Variants in MAP3K12 observed in about 807,000 individuals in gnomAD.
MAP3K12 encodes mitogen-activated protein kinase kinase kinase 12.
In MAP3K12, 14 loss-of-function variants were observed where a neutral mutation model predicts 87.5. That is an observed-to-expected ratio of 0.16 (90% CI 0.11 to 0.25). The LOEUF is 0.25. Ranked by LOEUF, MAP3K12 falls within the 10% of genes least tolerant of loss-of-function variation. MAP3K12 has a pLI of 1.00. For synonymous variants in MAP3K12, 469 were observed against 452.5 expected (o/e 1.04, Z -0.46); for missense variants, 802 against 1,140.4 (o/e 0.70, Z 4.27).
intron 1 of MAP3K12, among the ~76,000 whole-genome samples, chr12:53,499,078 C>T (rs1249657493): frequency 6.6e-6 from 1 of 150,936 alleles, no homozygotes; most frequent in Non-Finnish European, 1.5e-5. Context: ...CTCCTCCTTC[C>T]CTCTCTCTCT....
rs376796266 is a variant in MAP3K12, at chr12:53,483,444, C to T, written c.1518G>A (p.Lys506=). The T allele has an allele frequency of 1.2e-6, 2 of 1,614,158 alleles. No individual in the cohort carries two copies. The highest frequency in any genetic ancestry group is 1.7e-6 in the Non-Finnish European group (2 of 1,180,030). The stretch of plus-strand genomic sequence containing the variant: ...GCAGGAGGCCCCGGGAAGGGTGTGG[C>T]TTCAGCAGGCCTGGGCACCTCCGCT... ...ALERRCPGLL[K]PHPSRGLLHG... is the part of the protein sequence containing the mutation. The change falls in exon 10 of 14, where the codon AAG becomes AAA. Residue 506 remains lysine (K), a synonymous_variant. Coordinates refer to ENST00000547488, the MANE Select transcript of MAP3K12 (RefSeq NM_001193511.2).
chr12:53,484,400 A>G (rs758639538), intron 6 of MAP3K12, 35 bp from the exon 7 acceptor site: 1 of 1,515,370 alleles, frequency 6.6e-7, no homozygotes, highest in East Asian at 2.3e-5. Flanking sequence ...AGAGGGGAGA[A>G]TTTGAGGGAG....
chr12:53,485,558 TTTTG>T lies in MAP3K12; in HGVS notation c.822-87_822-84del, dbSNP rs565593944. ...TGCAGCAACTCTGCCTTTCAGGTTT[TTTTG>T]TTTGTTTGTTTGAGACGGAGTCTCA... On this transcript the variant is annotated intron_variant, in intron 4 of 13. Coordinates refer to ENST00000547488, the MANE Select transcript of MAP3K12 (RefSeq NM_001193511.2). The T allele has an allele frequency of 8.6e-4, 1,288 of 1,489,824 alleles. 3 individuals carry two copies. The highest frequency in any genetic ancestry group is 2.5e-3 in the East Asian group (109 of 44,184). The allele number at this position is 1,489,824 out of a possible 1,614,324, so 92.3% of individuals were successfully genotyped here.
Position 53,483,138 on chromosome 12 carries a change from C to T in MAP3K12, c.1665G>A (p.Leu555=). The change falls in exon 11 of 14, where the codon CTG becomes CTA. Residue 555 remains leucine, a synonymous_variant. Coordinates refer to ENST00000547488, the MANE Select transcript of MAP3K12 (RefSeq NM_001193511.2). Reference sequence around the variant, plus strand: ...GACACCCAGGAAGCCCCACCCCACTCAGGGCTGCATCTAGTTTAGGGAGCA... The same window carrying T: ...GACACCCAGGAAGCCCCACCCCACTTAGGGCTGCATCTAGTTTAGGGAGCA... ...ESLLPKLDAA[L]SGVGLPGCPK... 6.6e-7 allele frequency: 1 copy of T among 1,521,008 alleles called. No homozygotes were observed. Among genetic ancestry groups the T allele is most frequent in the Non-Finnish European group, 8.8e-7 (1 of 1,136,786 alleles). The allele number at this position is 1,521,008 out of a possible 1,614,324, so 94.2% of individuals were successfully genotyped here.
chr12:53,488,227 C>A (rs1943290897), intron 1 of MAP3K12, among the ~76,000 whole-genome samples: 2 of 152,222 alleles, frequency 1.3e-5, no homozygotes, highest in African/African-American at 4.8e-5. Context: ...CCCCTTGGCC[C>A]TCCCTTCAGT....
upstream of MAP3K12, chr12:53,499,961 C>T (rs922670655): frequency 1.3e-5 from 2 of 152,424 alleles, no homozygotes; most frequent in African/African-American, 4.8e-5. Context: ...GCATTGCTCC[C>T]CCTATCATAC....
intron 13 of MAP3K12, 32 bp from the exon 14 acceptor site, chr12:53,481,312 C>CA (rs1365461906): frequency 1.5e-6 from 2 of 1,305,832 alleles, no homozygotes; most frequent in Non-Finnish European, 2.1e-6. Context: ...GAGTGAGATT[C>CA]CTTGGGGTTC....
chr12:53,482,795 G>A lies in MAP3K12; in HGVS notation c.2008C>T (p.Pro670Ser), dbSNP rs765016748. 6.2e-7 allele frequency: 1 copy of A among 1,612,092 alleles called. No individual in the cohort carries two copies. Among genetic ancestry groups the A allele is most frequent in the Admixed American group, 1.7e-5 (1 of 59,922 alleles). ...CTTGGTGGGGTGTCACCCCGGGCCG[G>A]AGGTGGTGAGCCAGGATCCCCAGCT... ...GGAGDPGSPP[P>S]ARGDTPPSEG... Residue 670 changes from proline (P) to serine (S), a missense_variant, in exon 11 of 14, where the codon CCG becomes TCG. Pro to Ser is a moderately conservative substitution (Grantham distance 74, BLOSUM62 -1). Transcript: ENST00000547488.
chr12:53,496,689 T>C (rs1943555734), intron 1 of MAP3K12, among the ~76,000 whole-genome samples: 1 of 152,250 alleles, frequency 6.6e-6, no homozygotes, highest in South Asian at 2.1e-4. Flanking sequence ...TTTTCTCCTT[T>C]GGGTTTACGT....
At chr12:53,491,301 A>AAAAAAAAAAAAAAAAAAAAG (rs796169121) in intron 1 of MAP3K12, among the ~76,000 whole-genome samples, 24 of 101,592 alleles carry the variant, frequency 2.4e-4, no homozygotes, top group East Asian at 6.9e-4. Context: ...AAAAAAAAAA[A>AAAAAAAAAAAAAAAAAAAAG]AAAAGAAAAG....
intron 10 of MAP3K12, 77 bp downstream of exon 10, chr12:53,483,272 A>G: frequency 6.3e-7 from 1 of 1,577,904 alleles, no homozygotes; most frequent in Non-Finnish European, 8.6e-7. Context: ...ACTAAAGTAC[A>G]CATCTCCCTG....
At chr12:53,483,747 C>T (rs762436017) in intron 8 of MAP3K12, 24 bp from the exon 9 acceptor site, 23 of 1,613,476 alleles carry the variant, frequency 1.4e-5, no homozygotes, top group Non-Finnish European at 1.8e-5. Context: ...AAAGGTTCCC[C>T]AAGGTGAACT....
chr12:53,483,946 T>C lies in MAP3K12; in HGVS notation c.1323A>G (p.Glu441=). ...KSEGTCLHRL[E]EELVMRRREE... ...CCCTCCTCCTCATCACCAGTTCCTC[T>C]TCTAGGCGGTGCAGACAGGTCCCTT... The change falls in exon 8 of 14, where the codon GAA becomes GAG. Residue 441 remains glutamate, a synonymous_variant. Transcript: ENST00000547488. The C allele has an allele frequency of 6.2e-7, 1 of 1,614,206 alleles. No homozygotes were observed. Among genetic ancestry groups the C allele is most frequent in the Non-Finnish European group, 8.5e-7 (1 of 1,180,022 alleles).
At chr12:53,494,714 A>G (rs1288340282) in intron 1 of MAP3K12, among the ~76,000 whole-genome samples, 1 of 152,082 alleles carries the variant, frequency 6.6e-6, no homozygotes, top group Non-Finnish European at 1.5e-5. Flanking sequence ...CAGGAAAAGG[A>G]GAATGATTCC....
At chr12:53,485,005 C>A in intron 6 of MAP3K12, 51 bp downstream of exon 6, 1 of 1,609,496 alleles carries the variant, frequency 6.2e-7, no homozygotes, top group Non-Finnish European at 8.5e-7. Context: ...CCAGTACTAC[C>A]GTGCTTCTCA....
At chr12:53,495,783 G>A (rs1943536871) in intron 1 of MAP3K12, among the ~76,000 whole-genome samples, 1 of 152,154 alleles carries the variant, frequency 6.6e-6, no homozygotes, top group Non-Finnish European at 1.5e-5. Context: ...GCCCTCATGA[G>A]GGAGAAATGA....
At chr12:53,485,275 G>A (rs1489310452) in intron 5 of MAP3K12, 42 bp downstream of exon 5, 7 of 1,605,090 alleles carry the variant, frequency 4.4e-6, no homozygotes, top group Non-Finnish European at 6.0e-6. Context: ...ATCCCCCCAG[G>A]GCTGGCCACC....
chr12:53,492,924 C>CT (rs1189911443), intron 1 of MAP3K12: 2 of 152,380 alleles, frequency 1.3e-5, no homozygotes, highest in Non-Finnish European at 2.9e-5. Flanking sequence ...ACAGCTTGGT[C>CT]ACCAGCAATG....
At chr12:53,498,947 T>TGGAGATG (rs1943605139) in intron 1 of MAP3K12, among the ~76,000 whole-genome samples, 1 of 22,520 alleles carries the variant, frequency 4.4e-5, no homozygotes, top group Non-Finnish European at 8.9e-5. Flanking sequence ...TGTGTGTGTG[T>TGGAGATG]GTGTGTGTGT....
Sources: gnomAD v4.1 joint callset for allele counts (sites outside exome capture counted in the v4.1 genomes callset) on GRCh38, gnomAD v4.1.1 for gene constraint, MANE v1.5 for transcripts, NCBI Gene and HGNC (gene_info 2026-07-23, HGNC 2026-07-21) for gene names.